Variants in EPB41 observed in about 807,000 individuals in gnomAD.
EPB41 encodes the protein protein 4.1.
EPB41 carries 65 observed loss-of-function variants against 108.0 expected under a neutral mutation model. The observed-to-expected ratio is 0.60, with a 90% CI of 0.49 to 0.74. The LOEUF is 0.74. Among genes scored for constraint, EPB41 ranks in the 30% least tolerant of loss-of-function variants. The pLI is 0.00. For missense variants in EPB41, 875 were observed against 1,037.0 expected (o/e 0.84, Z 2.15); for synonymous variants, 336 against 358.9 (o/e 0.94, Z 0.72).
intron 1 of EPB41, among the ~76,000 whole-genome samples, chr1:28,921,532 A>C (rs77485135): frequency 2.0e-5 from 3 of 151,958 alleles, no homozygotes; most frequent in Non-Finnish European, 2.9e-5. Flanking sequence ...ATAGGGACAC[A>C]TGGAAGGCAG....
intron 2 of EPB41, among the ~76,000 whole-genome samples, chr1:28,990,515 G>A (rs188629703): frequency 6.6e-6 from 1 of 151,476 alleles, no homozygotes; most frequent in Admixed American, 6.6e-5. Context: ...CAACCTCCCG[G>A]GCTCAAGCTA....
intron 15 of EPB41, among the ~76,000 whole-genome samples, chr1:29,063,192 C>T (rs1427980310): frequency 1.3e-5 from 2 of 152,182 alleles, no homozygotes; most frequent in African/African-American, 4.8e-5. Flanking sequence ...AATACTGGGT[C>T]TTTGAATGGG....
chr1:28,967,179 C>T (rs902008562), intron 1 of EPB41, among the ~76,000 whole-genome samples: 11 of 151,976 alleles, frequency 7.2e-5, no homozygotes, highest in African/African-American at 1.7e-4. Context: ...CCACCACACC[C>T]GGCTAAGTTT....
chr1:28,917,248 C>CTGTGTG (rs572627121), intron 1 of EPB41, among the ~76,000 whole-genome samples: 3 of 149,558 alleles, frequency 2.0e-5, no homozygotes, highest in Admixed American at 2.0e-4. Flanking sequence ...ATCTCTCTCT[C>CTGTGTG]TGTGTGTGTG....
At chr1:29,106,183 AG>A (rs1481082821) in intron 17 of EPB41, among the ~76,000 whole-genome samples, 3 of 152,222 alleles carry the variant, frequency 2.0e-5, no homozygotes, top group Non-Finnish European at 4.4e-5. Flanking sequence ...GTATGGGAAC[AG>A]GGTAAGTAGG....
rs115971473 is a variant in EPB41 at position 28,890,452 on chromosome 1, T to C, written c.-8+3242T>C. On this transcript the variant is annotated intron_variant, in intron 1 of 16. Transcript: ENST00000347529. ...CTGTGAAATGAGTAGGGGAGATAAG[T>C]CTAAAGTCTCTACGGGTCTTCCAGC... Among the ~76,000 whole-genome samples the C allele has an allele frequency of 9.4e-3, 1,433 of 152,252 alleles. 25 individuals are homozygous for C. Among genetic ancestry groups the C allele is most frequent in the African/African-American group, 0.032 (1,348 of 41,542 alleles).
At chr1:29,028,820 T>A (rs1214769120) in intron 7 of EPB41, among the ~76,000 whole-genome samples, 1 of 152,162 alleles carries the variant, frequency 6.6e-6, no homozygotes, top group African/African-American at 2.4e-5. Flanking sequence ...GGCTGGAGGA[T>A]GGCTTGAGCC....
At chr1:28,970,436 G>A (rs2930836) in intron 1 of EPB41, among the ~76,000 whole-genome samples, 119,019 of 152,174 alleles carry the variant, frequency 0.78, 47,151 homozygotes, top group East Asian at 0.92. Flanking sequence ...AGAGAGTAAG[G>A]AAAGTTCCAT....
intron 4 of EPB41, 83 bp from the exon 5 acceptor site, chr1:29,011,782 A>T: frequency 6.9e-7 from 1 of 1,442,466 alleles, no homozygotes; most frequent in Non-Finnish European, 9.7e-7. Context: ...CACTATTTGA[A>T]GATAGTCAGT....
intron 6 of EPB41, among the ~76,000 whole-genome samples, chr1:29,016,148 C>T (rs746038860): frequency 6.6e-6 from 1 of 152,080 alleles, no homozygotes. Context: ...TTTCATACTC[C>T]TTTCCCACCA....
chr1:29,011,295 G>A (rs2096496909), intron 4 of EPB41, among the ~76,000 whole-genome samples: 1 of 151,878 alleles, frequency 6.6e-6, no homozygotes, highest in African/African-American at 2.4e-5. Flanking sequence ...AACCCACGAG[G>A]CGGAGGTTGC....
Position 29,106,553 on chromosome 1 carries a change from G to A in EPB41, c.2314-2783G>A, listed in dbSNP as rs537967714. 1.6e-3 allele frequency among the ~76,000 whole-genome samples: 219 copies of A among 139,510 alleles called. 1 individual carries two copies. The highest frequency in any genetic ancestry group is 5.5e-3 in the African/African-American group (208 of 37,850). 91.5% of individuals were successfully genotyped at this position (139,510 alleles called of 152,430 possible). A position where few individuals can be genotyped will look rare whatever the true frequency, so the allele number is the denominator to read the frequency against. On this transcript the variant is annotated intron_variant, in intron 17 of 20. Coordinates refer to ENST00000343067, the MANE Select transcript of EPB41 (RefSeq NM_001376013.1). ...ACTCACTGCAACCTCTCAGCCTCCC[G>A]AGTAGCTGGGATTTTTTTTTTTTTT...
intron 1 of EPB41, among the ~76,000 whole-genome samples, chr1:28,968,535 A>C (rs2095416576): frequency 1.3e-5 from 2 of 152,200 alleles, no homozygotes; most frequent in South Asian, 4.1e-4. Context: ...GATTGTATAG[A>C]GAATATTCCA....
chr1:29,044,127 C>G (rs1311081987), intron 11 of EPB41, among the ~76,000 whole-genome samples: 1 of 152,176 alleles, frequency 6.6e-6, no homozygotes, highest in Admixed American at 6.5e-5. Flanking sequence ...CCCTCCTTGT[C>G]CAGTAAATCA....
At chr1:28,938,554 A>G (rs2094143981) in intron 1 of EPB41, among the ~76,000 whole-genome samples, 1 of 146,680 alleles carries the variant, frequency 6.8e-6, no homozygotes, top group Non-Finnish European at 1.5e-5. Context: ...TTTTTTTGAC[A>G]CAGTATCTGG....
chr1:28,987,896 A>G lies in EPB41; in HGVS notation c.459A>G (p.Ala153=), dbSNP rs1348144892. Residue 153 remains alanine, a synonymous_variant, in exon 2 of 21, where the codon GCA becomes GCG. Coordinates refer to ENST00000343067, the MANE Select transcript of EPB41 (RefSeq NM_001376013.1). ...PSLDLHSLSS[A]ETQPAQEELR... The stretch of plus-strand genomic sequence containing the variant: ...TGGATCTTCATTCATTAAGCAGTGC[A>G]GAAACACAGGTAAGGATGTGTGGAT... 6.2e-7 allele frequency: 1 copy of G among 1,614,220 alleles called. No individual in the cohort carries two copies. The highest frequency in any genetic ancestry group is 2.2e-5 in the East Asian group (1 of 44,894).
At chr1:29,074,873 G>C (rs1489049855) in intron 16 of EPB41, among the ~76,000 whole-genome samples, 2 of 152,142 alleles carry the variant, frequency 1.3e-5, no homozygotes, top group East Asian at 3.9e-4. Context: ...AAAATCTTTT[G>C]TGTGTCCAGG....
chr1:28,905,879 G>A (rs1415528198), intron 1 of EPB41, among the ~76,000 whole-genome samples: 13 of 148,594 alleles, frequency 8.7e-5, no homozygotes, highest in Non-Finnish European at 1.5e-4. Context: ...GTGCAGTGGC[G>A]CGATCTCGGC....
At chr1:29,021,308 G>A (rs913678961) in intron 7 of EPB41, among the ~76,000 whole-genome samples, 6 of 152,140 alleles carry the variant, frequency 3.9e-5, no homozygotes, top group Non-Finnish European at 5.9e-5. Flanking sequence ...ACAAATCAAG[G>A]CAGTTGGAGC....
Sources: gnomAD v4.1 joint callset for allele counts (sites outside exome capture counted in the v4.1 genomes callset) on GRCh38, gnomAD v4.1.1 for gene constraint, MANE v1.5 for transcripts, NCBI Gene and HGNC (gene_info 2026-07-23, HGNC 2026-07-21) for gene names.